SLC9A9: variants seen among roughly 807,000 people sequenced by gnomAD.
SLC9A9 encodes the protein sodium/hydrogen exchanger 9.
In SLC9A9, 62 loss-of-function variants were observed where a neutral mutation model predicts 77.8. The observed-to-expected ratio is 0.80, with a 90% CI of 0.65 to 0.98. The LOEUF (loss-of-function observed/expected upper bound fraction) is 0.98, where lower values mean the gene tolerates loss of function less well. Ranked by LOEUF, SLC9A9 falls within the 50% of genes least tolerant of loss-of-function variation. SLC9A9 has a pLI of 0.00. For missense variants in SLC9A9, 775 were observed against 774.9 expected (o/e 1.00, Z 0.00); for synonymous variants, 320 against 283.5 (o/e 1.13, Z -1.29).
At chr3:143,321,871 G>A (rs1029482348) in intron 14 of SLC9A9, among the ~76,000 whole-genome samples, 2 of 152,174 alleles carry the variant, frequency 1.3e-5, no homozygotes, top group Admixed American at 1.3e-4. Context: ...GGGAGTCTGA[G>A]GATGTTATAG....
chr3:143,732,141 C>G (rs993826824), intron 4 of SLC9A9, among the ~76,000 whole-genome samples: 2 of 152,206 alleles, frequency 1.3e-5, no homozygotes, highest in Non-Finnish European at 2.9e-5. Flanking sequence ...GTCACTGATT[C>G]AGAGGATGAA....
chr3:143,286,500 C>A (rs2108412530), intron 14 of SLC9A9, among the ~76,000 whole-genome samples: 1 of 152,326 alleles, frequency 6.6e-6, no homozygotes, highest in Middle Eastern at 3.4e-3. Context: ...GAGTCCAAGG[C>A]ATTCTCAGTA....
intron 5 of SLC9A9, among the ~76,000 whole-genome samples, chr3:143,665,015 A>G (rs908969065): frequency 6.6e-6 from 1 of 152,264 alleles, no homozygotes; most frequent in Non-Finnish European, 1.5e-5. Flanking sequence ...TCTCCACCCC[A>G]AATCAACAGA....
intron 14 of SLC9A9, among the ~76,000 whole-genome samples, chr3:143,312,879 TTTCCCAATC>T (rs1267140057): frequency 1.3e-5 from 2 of 152,208 alleles, no homozygotes; most frequent in Non-Finnish European, 1.5e-5. Context: ...CCAATGTAAA[TTTCCCAATC>T]TTCCATCCCC....
intron 14 of SLC9A9, among the ~76,000 whole-genome samples, chr3:143,284,852 C>T (rs1938335664): frequency 6.6e-6 from 1 of 152,238 alleles, no homozygotes; most frequent in African/African-American, 2.4e-5. Context: ...ACAATGAAGT[C>T]GTCGTTTATG....
intron 6 of SLC9A9, among the ~76,000 whole-genome samples, chr3:143,586,557 TA>T (rs992753070): frequency 1.3e-5 from 2 of 152,146 alleles, no homozygotes; most frequent in Non-Finnish European, 2.9e-5. Flanking sequence ...CTTTATGCCT[TA>T]AAAAAAAGAA....
At chr3:143,272,677 AT>A (rs1453562621) in intron 14 of SLC9A9, among the ~76,000 whole-genome samples, 1 of 152,180 alleles carries the variant, frequency 6.6e-6, no homozygotes, top group African/African-American at 2.4e-5. Flanking sequence ...TCTTCTATCT[AT>A]TAAAAAAAAC....
intron 14 of SLC9A9, among the ~76,000 whole-genome samples, chr3:143,278,939 T>C (rs1938131262): frequency 6.6e-6 from 1 of 152,070 alleles, no homozygotes; most frequent in Non-Finnish European, 1.5e-5. Context: ...CTGAGCTCTT[T>C]GACCACAAAA....
intron 12 of SLC9A9, among the ~76,000 whole-genome samples, chr3:143,397,850 C>T (rs897699476): frequency 6.6e-6 from 1 of 152,096 alleles, no homozygotes; most frequent in African/African-American, 2.4e-5. Context: ...TTTACAAAAT[C>T]ACAAGTATAC....
intron 13 of SLC9A9, among the ~76,000 whole-genome samples, chr3:143,374,287 T>C (rs1179385759): frequency 1.0e-4 from 15 of 150,554 alleles, no homozygotes; most frequent in Non-Finnish European, 1.3e-4. Context: ...TAGCCGGGCG[T>C]GGTGGCGGGC....
At chr3:143,763,433 A>G (rs776779394) in intron 4 of SLC9A9, among the ~76,000 whole-genome samples, 1 of 152,200 alleles carries the variant, frequency 6.6e-6, no homozygotes, top group African/African-American at 2.4e-5. Flanking sequence ...ATTATAAACA[A>G]ATCAGTTCAA....
chr3:143,811,639 A>G (rs1559809177), intron 2 of SLC9A9: 1 of 453,664 alleles, frequency 2.2e-6, no homozygotes, highest in East Asian at 7.0e-5. Flanking sequence ...TGAGGCCAGG[A>G]GTTTGAGACC....
At chr3:143,714,647 A>G (rs1210596905) in intron 4 of SLC9A9, among the ~76,000 whole-genome samples, 1 of 152,104 alleles carries the variant, frequency 6.6e-6, no homozygotes, top group African/African-American at 2.4e-5. Context: ...AATACTTAAC[A>G]TGGTTATGCC....
intron 12 of SLC9A9, among the ~76,000 whole-genome samples, chr3:143,444,809 G>A (rs1286676327): frequency 6.6e-6 from 1 of 152,190 alleles, no homozygotes; most frequent in African/African-American, 2.4e-5. Flanking sequence ...GAGGTAAATG[G>A]GAAAGAAAGG....
chr3:143,530,606 G>A (rs188222223), intron 9 of SLC9A9, among the ~76,000 whole-genome samples: 4 of 152,152 alleles, frequency 2.6e-5, no homozygotes, highest in Admixed American at 2.6e-4. Context: ...GGAAAAGTGT[G>A]CATGCATTAT....
chr3:143,289,945 G>A (rs551143273), intron 14 of SLC9A9, among the ~76,000 whole-genome samples: 22 of 152,278 alleles, frequency 1.4e-4, no homozygotes, highest in African/African-American at 4.3e-4. Flanking sequence ...TGTCTCCTTC[G>A]TAACTGCATG....
chr3:143,374,192 G>A (rs1198052897), intron 13 of SLC9A9, among the ~76,000 whole-genome samples: 2 of 151,972 alleles, frequency 1.3e-5, no homozygotes, highest in African/African-American at 4.8e-5. Context: ...TTGGGAGGCC[G>A]AGGTGGGCGG....
intron 2 of SLC9A9, among the ~76,000 whole-genome samples, chr3:143,802,549 C>G (rs1303006750): frequency 6.6e-6 from 1 of 152,198 alleles, no homozygotes. Context: ...TCTGAGAAGG[C>G]CACCGTGGTC....
chr3:143,422,452 A>G (rs1197877179), intron 12 of SLC9A9, among the ~76,000 whole-genome samples: 2 of 152,354 alleles, frequency 1.3e-5, no homozygotes, highest in East Asian at 1.9e-4. Context: ...TTGCAGCAAC[A>G]TGGATGCAGC....
Sources: gnomAD v4.1 joint callset for allele counts (sites outside exome capture counted in the v4.1 genomes callset) on GRCh38, gnomAD v4.1.1 for gene constraint, MANE v1.5 for transcripts, NCBI Gene and HGNC (gene_info 2026-07-23, HGNC 2026-07-21) for gene names.